Variants in MBNL2 observed in about 807,000 individuals in gnomAD.
MBNL2 encodes muscleblind-like protein 2.
Under a neutral mutation model 41.9 loss-of-function variants are expected in MBNL2, and 17 were observed. That is an observed-to-expected ratio of 0.41 (90% CI 0.28 to 0.61). MBNL2 has a LOEUF of 0.61. Ranked by LOEUF, MBNL2 falls within the 20% of genes least tolerant of loss-of-function variation. The pLI, the probability that MBNL2 is intolerant of heterozygous loss-of-function variation, is 0.35. For missense variants in MBNL2, 336 were observed against 505.6 expected (o/e 0.66, Z 3.22); for synonymous variants, 195 against 182.9 (o/e 1.07, Z -0.53).
chr13:97,164,678 G>A, the MBNL2 span, among the ~76,000 whole-genome samples: 1 of 152,082 alleles, frequency 6.6e-6, no homozygotes, highest in South Asian at 2.1e-4. Flanking sequence ...TTAAGACAGA[G>A]CCAAATTTAT....
chr13:97,269,328 A>G (rs1213035655), intron 1 of MBNL2, among the ~76,000 whole-genome samples: 1 of 152,214 alleles, frequency 6.6e-6, no homozygotes, highest in Admixed American at 6.5e-5. Context: ...GGGAAAGGCT[A>G]AGGGTGCCCT....
At chr13:97,356,913 T>C in intron 6 of MBNL2, 64 bp downstream of exon 6, 5 of 1,071,852 alleles carry the variant, frequency 4.7e-6, no homozygotes, top group Non-Finnish European at 6.4e-6. Flanking sequence ...GAGATTTGTA[T>C]TACTTGTAAA....
chr13:97,151,879 A>G, the MBNL2 span, among the ~76,000 whole-genome samples: 79 of 152,284 alleles, frequency 5.2e-4, no homozygotes, highest in African/African-American at 1.8e-3. Context: ...GAGTTACCCC[A>G]TGAAATGCTC....
intron 5 of MBNL2, among the ~76,000 whole-genome samples, chr13:97,353,150 T>C (rs907638637): frequency 1.3e-5 from 2 of 152,204 alleles, no homozygotes; most frequent in Non-Finnish European, 2.9e-5. Flanking sequence ...TCTTGGATTG[T>C]TACACTGTGC....
chr13:97,242,884 ACAT>A (rs1330212125), intron 1 of MBNL2, among the ~76,000 whole-genome samples: 2 of 152,024 alleles, frequency 1.3e-5, no homozygotes, highest in Non-Finnish European at 2.9e-5. Flanking sequence ...TTGTCCAATG[ACAT>A]CATCCTCTGA....
At chr13:97,195,616 G>T in the MBNL2 span, among the ~76,000 whole-genome samples, 1 of 152,010 alleles carries the variant, frequency 6.6e-6, no homozygotes, top group African/African-American at 2.4e-5. Context: ...AATTCAATAT[G>T]GCATATAGGG....
At chr13:97,172,023 T>C in the MBNL2 span, among the ~76,000 whole-genome samples, 1 of 152,196 alleles carries the variant, frequency 6.6e-6, no homozygotes, top group Admixed American at 6.6e-5. Flanking sequence ...TTTTTCCTTA[T>C]AAATTATCCA....
At chr13:97,292,788 T>C (rs2056380805) in intron 2 of MBNL2, among the ~76,000 whole-genome samples, 1 of 152,160 alleles carries the variant, frequency 6.6e-6, no homozygotes, top group Admixed American at 6.5e-5. Context: ...CTGTAGGATT[T>C]CTTCCATTAA....
chr13:97,158,497 A>G, the MBNL2 span, among the ~76,000 whole-genome samples: 1 of 151,734 alleles, frequency 6.6e-6, no homozygotes, highest in African/African-American at 2.4e-5. Context: ...TAGGGTGTCA[A>G]TTTTGGATCT....
At chr13:97,280,880 C>T (rs1213607479) in intron 2 of MBNL2, among the ~76,000 whole-genome samples, 2 of 152,250 alleles carry the variant, frequency 1.3e-5, no homozygotes, top group Non-Finnish European at 2.9e-5. Context: ...TGAACCCTTT[C>T]TGCCAACTTA....
upstream of MBNL2, among the ~76,000 whole-genome samples, chr13:97,220,387 T>C (rs953263408): frequency 6.6e-6 from 1 of 151,992 alleles, no homozygotes; most frequent in African/African-American, 2.4e-5. Context: ...GAGAGGGTAA[T>C]GTGGCCACAG....
At chr13:97,197,952 C>A in the MBNL2 span, among the ~76,000 whole-genome samples, 13 of 152,220 alleles carry the variant, frequency 8.5e-5, no homozygotes, top group East Asian at 2.3e-3. Flanking sequence ...AGACTCTTGC[C>A]AGATCTTTCT....
intron 2 of MBNL2, among the ~76,000 whole-genome samples, chr13:97,283,960 A>G (rs1307775843): frequency 6.6e-6 from 1 of 152,212 alleles, no homozygotes; most frequent in Non-Finnish European, 1.5e-5. Flanking sequence ...GATGGCACAT[A>G]TGCACCATAG....
intron 4 of MBNL2, among the ~76,000 whole-genome samples, chr13:97,343,710 C>T (rs1396145424): frequency 6.6e-6 from 1 of 152,214 alleles, no homozygotes; most frequent in Non-Finnish European, 1.5e-5. Flanking sequence ...GTCTCAAGAA[C>T]AAGCATGGCT....
chr13:97,345,601 CTT>C (rs367817140), intron 4 of MBNL2, among the ~76,000 whole-genome samples: 1 of 151,810 alleles, frequency 6.6e-6, no homozygotes, highest in Non-Finnish European at 1.5e-5. Context: ...CTCCTTTTGT[CTT>C]TTTTTTCTTT....
chr13:97,299,712 C>T (rs931525919), intron 2 of MBNL2, among the ~76,000 whole-genome samples: 2 of 150,644 alleles, frequency 1.3e-5, no homozygotes, highest in South Asian at 2.1e-4. Flanking sequence ...ATTACAAACA[C>T]ATGACTTGAA....
At chr13:97,248,897 T>G (rs1178240434) in intron 1 of MBNL2, among the ~76,000 whole-genome samples, 1 of 152,192 alleles carries the variant, frequency 6.6e-6, no homozygotes, top group Non-Finnish European at 1.5e-5. Context: ...ATGGAAAATG[T>G]TATGCAAATT....
At chr13:97,145,838 A>G in the MBNL2 span, among the ~76,000 whole-genome samples, 1 of 152,192 alleles carries the variant, frequency 6.6e-6, no homozygotes, top group Non-Finnish European at 1.5e-5. Context: ...CTGCTCCCTG[A>G]AACAAGGCAA....
At chr13:97,153,043 T>C in the MBNL2 span, among the ~76,000 whole-genome samples, 4 of 152,108 alleles carry the variant, frequency 2.6e-5, no homozygotes, top group Admixed American at 2.6e-4. Context: ...GATTTACATT[T>C]CTGGTAAAGA....
Sources: allele counts gnomAD v4.1 joint callset (sites outside exome capture counted in the v4.1 genomes callset), GRCh38; gene constraint gnomAD v4.1.1; transcripts MANE v1.5; gene names NCBI Gene and HGNC (gene_info 2026-07-23, HGNC 2026-07-21).